The following AFF2 variants were observed in gnomAD, a reference collection of about 807,000 sequenced individuals.
The protein encoded by AFF2 is AF4/FMR2 family member 2.
Under a neutral mutation model 76.9 loss-of-function variants are expected in AFF2, and 14 were observed. The observed-to-expected ratio is 0.18, with a 90% confidence interval of 0.12 to 0.28. AFF2 has a LOEUF of 0.28. AFF2 is among the 10% of genes least tolerant of loss of function. AFF2 has a pLI of 1.00. For synonymous variants in AFF2, 398 were observed against 366.7 expected, an observed-to-expected ratio of 1.09 and a Z score of -0.98; for missense variants, 868 against 1,001.1, an observed-to-expected ratio of 0.87 and a Z score of 1.79.
chrX:148,618,547 AGGTGAGATTTG>A (rs2053836104), intron 1 of AFF2, among the ~76,000 whole-genome samples: 1 of 111,524 alleles, frequency 9.0e-6, no homozygotes, highest in African/African-American at 3.3e-5. Flanking sequence ...TTATAATTGA[AGGTGAGATTTG>A]GGTGGGACAC....
intron 19 of AFF2, among the ~76,000 whole-genome samples, chrX:148,982,448 G>A (rs1461691385): frequency 8.9e-6 from 1 of 112,108 alleles, no homozygotes; most frequent in African/African-American, 3.2e-5. Context: ...ACAAGGTGCT[G>A]TGGAAGCCTA....
chrX:148,976,658 G>A (rs1283026566), intron 16 of AFF2, among the ~76,000 whole-genome samples: 2 of 111,822 alleles, frequency 1.8e-5, no homozygotes, highest in Non-Finnish European at 3.8e-5. Context: ...CTCCCCGACA[G>A]TATGCTGGCT....
intron 1 of AFF2, among the ~76,000 whole-genome samples, chrX:148,616,805 T>C (rs782579153): frequency 1.5e-3 from 151 of 103,870 alleles, no homozygotes; most frequent in African/African-American, 5.1e-3. Flanking sequence ...TTCCCACCTA[T>C]GAGTGAGAAC....
intron 3 of AFF2, among the ~76,000 whole-genome samples, chrX:148,700,680 G>A (rs1388244332): frequency 6.3e-5 from 7 of 110,458 alleles, no homozygotes; most frequent in Non-Finnish European, 1.1e-4. Flanking sequence ...AAAAATTGTT[G>A]TTGTTGTTGT....
intron 3 of AFF2, among the ~76,000 whole-genome samples, chrX:148,674,732 A>T (rs1471951864): frequency 8.9e-6 from 1 of 112,305 alleles, no homozygotes; most frequent in Non-Finnish European, 1.9e-5. Context: ...CAAGATGTAA[A>T]AGAGGTGACC....
intron 16 of AFF2, among the ~76,000 whole-genome samples, chrX:148,974,148 T>A: frequency 9.1e-6 from 1 of 109,496 alleles, no homozygotes; most frequent in Admixed American, 9.8e-5. Context: ...AGGATGAGAA[T>A]AAGAGAGGGG....
chrX:148,573,652 C>A (rs1477413895), intron 1 of AFF2, among the ~76,000 whole-genome samples: 1 of 102,676 alleles, frequency 9.7e-6, no homozygotes, highest in Non-Finnish European at 2.0e-5. Flanking sequence ...TCCTTGAAAA[C>A]CAACTGCAGA....
chrX:148,781,823 TGTG>T (rs1458314566), intron 3 of AFF2, among the ~76,000 whole-genome samples: 1 of 111,455 alleles, frequency 9.0e-6, no homozygotes, highest in Non-Finnish European at 1.9e-5. Context: ...CCAGGGCCCT[TGTG>T]GTGTAGGCAC....
rs144169551 is a variant in AFF2, at chrX:148,800,559, C to A, written c.1042-9317C>A. 2.1e-4 allele frequency among the ~76,000 whole-genome samples: 23 copies of A among 111,139 alleles called. No individual in the cohort carries two copies. The East Asian group carries it at 6.5e-3, about 32-fold the overall frequency. ...GGGATTGTGAATGTCAAGGTAAGTC[C>A]TTTTTTTTCTAAAAGATTTTCAAAA... On this transcript the variant is annotated intron_variant, in intron 3 of 20. Coordinates refer to ENST00000370460, the MANE Select transcript of AFF2 (RefSeq NM_002025.4).
intron 3 of AFF2, among the ~76,000 whole-genome samples, chrX:148,723,169 G>A (rs1272950877): frequency 8.9e-6 from 1 of 111,816 alleles, no homozygotes; most frequent in Non-Finnish European, 1.9e-5. Flanking sequence ...CCTAGCCCAG[G>A]GCAGAAGGCC....
chrX:148,591,039 A>G (rs1557246562), intron 1 of AFF2, among the ~76,000 whole-genome samples: 2 of 112,033 alleles, frequency 1.8e-5, no homozygotes, highest in African/African-American at 6.5e-5. Context: ...CCCTCTGGGT[A>G]TTATATAAAC....
At chrX:148,519,265 G>C (rs1229550217) in intron 1 of AFF2, among the ~76,000 whole-genome samples, 2 of 112,103 alleles carry the variant, frequency 1.8e-5, no homozygotes, top group African/African-American at 6.5e-5. Context: ...TCAGAAGTGA[G>C]ATGTTAGCAT....
At chrX:148,980,504 A>G (rs1354719383) in intron 18 of AFF2, among the ~76,000 whole-genome samples, 1 of 111,671 alleles carries the variant, frequency 9.0e-6, no homozygotes, top group African/African-American at 3.3e-5. Flanking sequence ...AGTATATAAG[A>G]TCTTTCATCA....
At chrX:148,833,968 A>G (rs781819918) in intron 4 of AFF2, among the ~76,000 whole-genome samples, 1 of 112,369 alleles carries the variant, frequency 8.9e-6, no homozygotes, top group South Asian at 3.7e-4. Flanking sequence ...AGCCTGTGGC[A>G]TACCCAGCTT....
In AFF2 at chrX:148,632,369, G is replaced by A. The variant is rs982354277; in HGVS notation, c.48-19630G>A. The stretch of plus-strand genomic sequence containing the variant: ...ATTTATACTAGGCAACAGATTGGGT[G>A]TGTAGAATTCAAAATAGGATACACT... On this transcript the variant is annotated intron_variant, in intron 1 of 20. Coordinates refer to ENST00000370460, the MANE Select transcript of AFF2 (RefSeq NM_002025.4). Among the ~76,000 whole-genome samples the A allele has an allele frequency of 2.7e-5, 3 of 111,586 alleles. No individual in the cohort carries two copies. In the Admixed American group the frequency reaches 2.9e-4, roughly 11 times the overall value.
chrX:148,689,023 A>G (rs1482982627), intron 3 of AFF2, among the ~76,000 whole-genome samples: 1 of 112,113 alleles, frequency 8.9e-6, no homozygotes, highest in Non-Finnish European at 1.9e-5. Context: ...AGTATGTACT[A>G]CAGCCTGTGT....
chrX:148,536,089 C>T (rs1207339363), intron 1 of AFF2, among the ~76,000 whole-genome samples: 1 of 109,336 alleles, frequency 9.1e-6, no homozygotes, highest in African/African-American at 3.3e-5. Context: ...CATGGTGGTG[C>T]GCCCCTGCTA....
Position 148,809,918 on chromosome X carries a change from C to A in AFF2, c.1084C>A (p.Arg362=), listed in dbSNP as rs782691184. 8 of 1,207,630 alleles carry A rather than the reference C, an allele frequency of 6.6e-6. No homozygotes were observed. In the East Asian group the frequency reaches 2.1e-4, roughly 31 times the overall value. ...SDPSCVEEIL[R]EMTHSWPTPL... is the part of the protein sequence containing the mutation. ...TCCAAGCTGTGTTGAAGAAATCTTG[C>A]GGGTGAGTTTAAACCTTTATTTTTG... The change falls in exon 4 of 21, where the codon CGG becomes AGG. Residue 362 remains arginine, a splice_region_variant and synonymous_variant. Coordinates refer to ENST00000370460, the MANE Select transcript of AFF2 (RefSeq NM_002025.4).
intron 10 of AFF2, among the ~76,000 whole-genome samples, 153 bp from the exon 11 acceptor site, chrX:148,955,450 T>A (rs782205005): frequency 8.9e-6 from 1 of 112,449 alleles, no homozygotes; most frequent in Non-Finnish European, 1.9e-5. Flanking sequence ...ATAGTGGGTA[T>A]GTGCAGGTGT....
Sources: allele counts gnomAD v4.1 joint callset (sites outside exome capture counted in the v4.1 genomes callset), GRCh38; gene constraint gnomAD v4.1.1; transcripts MANE v1.5; gene names NCBI Gene and HGNC (gene_info 2026-07-23, HGNC 2026-07-21).